The following PCDHGA10 variants were observed in gnomAD, a reference collection of about 807,000 sequenced individuals.
PCDHGA10 encodes protocadherin gamma-A10.
Under a neutral mutation model 59.5 loss-of-function variants are expected in PCDHGA10, and 42 were observed. That is an observed-to-expected ratio of 0.71 (90% CI 0.55 to 0.91). PCDHGA10 has a LOEUF of 0.91. PCDHGA10 is among the 40% of genes least tolerant of loss of function. The pLI is 0.00. For missense variants in PCDHGA10, 1,111 were observed against 1,198.2 expected, an observed-to-expected ratio of 0.93 and a Z score of 1.07; for synonymous variants, 511 against 517.2, an observed-to-expected ratio of 0.99 and a Z score of 0.16.
intron 1 of PCDHGA10, chr5:141,427,778 A>T: frequency 1.4e-6 from 2 of 1,436,676 alleles, no homozygotes; most frequent in Non-Finnish European, 1.9e-6. Context: ...AGCTGCGGGC[A>T]CTGTCGTCCT....
At chr5:141,446,766 C>T (rs1335326278) in intron 1 of PCDHGA10, among the ~76,000 whole-genome samples, 7 of 152,208 alleles carry the variant, frequency 4.6e-5, no homozygotes, top group East Asian at 3.9e-4. Context: ...CGCGCCCAGC[C>T]GGTTACCATT....
At chr5:141,433,321 G>T in intron 1 of PCDHGA10, 1 of 788,106 alleles carries the variant, frequency 1.3e-6, no homozygotes. Flanking sequence ...TGCCTCCGGT[G>T]TAACAGGGAC....
chr5:141,502,784 G>C (rs185608958), intron 2 of PCDHGA10, among the ~76,000 whole-genome samples: 1 of 151,804 alleles, frequency 6.6e-6, no homozygotes, highest in Non-Finnish European at 1.5e-5. Flanking sequence ...AAATTACCTG[G>C]ATGATTTCTT....
chr5:141,430,399 T>C (rs2097282187), intron 1 of PCDHGA10, among the ~76,000 whole-genome samples: 1 of 150,106 alleles, frequency 6.7e-6, no homozygotes, highest in African/African-American at 2.4e-5. Flanking sequence ...AAAAAAAAGC[T>C]CACTAAAGTT....
chr5:141,419,890 C>T (rs775698934), intron 1 of PCDHGA10: 3 of 1,614,102 alleles, frequency 1.9e-6, no homozygotes, highest in Non-Finnish European at 2.5e-6. Flanking sequence ...ATTTCAGCGA[C>T]CATCCCACAC....
chr5:141,508,961 A>G (rs991011427), intron 3 of PCDHGA10, among the ~76,000 whole-genome samples: 2 of 151,978 alleles, frequency 1.3e-5, no homozygotes, highest in Non-Finnish European at 2.9e-5. Flanking sequence ...TGTCAGCGGA[A>G]TGAAAGGGCT....
chr5:141,502,615 A>G (rs2099815317), intron 2 of PCDHGA10, among the ~76,000 whole-genome samples: 1 of 152,218 alleles, frequency 6.6e-6, no homozygotes, highest in Non-Finnish European at 1.5e-5. Context: ...TTGTGAAAAT[A>G]TAAGTAATCT....
intron 1 of PCDHGA10, among the ~76,000 whole-genome samples, chr5:141,483,340 C>T (rs906468552): frequency 5.9e-5 from 9 of 152,036 alleles, no homozygotes; most frequent in Non-Finnish European, 1.2e-4. Flanking sequence ...GATCTTATCT[C>T]TTTGCAATAG....
In PCDHGA10 at chr5:141,474,831, G is replaced by A. The variant is rs188288898; in HGVS notation, c.2437-19976G>A. On this transcript the variant is annotated intron_variant, in intron 1 of 3. Coordinates refer to ENST00000398610, the MANE Select transcript of PCDHGA10 (RefSeq NM_018913.3). ...CATCATTAATTGAGGCTTACTCTGTGCCAGGCACTTTACCTGCCTTCTTCA... is the reference window on the plus strand; with the variant it reads ...CATCATTAATTGAGGCTTACTCTGTACCAGGCACTTTACCTGCCTTCTTCA... 5.3e-5 allele frequency among the ~76,000 whole-genome samples: 8 copies of A among 152,350 alleles called. No individual in the cohort carries two copies. The East Asian group carries it at 1.5e-3, about 29-fold the overall frequency.
intron 1 of PCDHGA10, chr5:141,423,349 T>A (rs2096733716): frequency 6.2e-7 from 1 of 1,614,196 alleles, no homozygotes; most frequent in East Asian, 2.2e-5. Context: ...CTTCCTGGTC[T>A]TTGTCATCGT....
chr5:141,495,726 C>T (rs2099763293), intron 2 of PCDHGA10, among the ~76,000 whole-genome samples: 1 of 152,070 alleles, frequency 6.6e-6, no homozygotes, highest in Non-Finnish European at 1.5e-5. Flanking sequence ...ACACGGGACC[C>T]TTAGTCTCTT....
At position 141,432,872 on chromosome 5, in the gene PCDHGA10, C is replaced by T; in HGVS notation, c.2436+17261C>T. On this transcript the variant is annotated intron_variant, in intron 1 of 3. Transcript: ENST00000398610. This position sits in a 1 kb window ranked among gnomAD's most constrained non-coding sequence, Gnocchi z 6.0. ...GGTGGCCGCGGTCTCCTGCGTCTTC[C>T]TGGCCTTCGTCATCTTGCTGCTGGC... is the stretch of plus-strand genomic sequence containing the variant. 1.9e-6 allele frequency: 3 copies of T among 1,614,192 alleles called. No homozygotes were observed. Among genetic ancestry groups the T allele is most frequent in the Non-Finnish European group, 2.5e-6 (3 of 1,180,018 alleles).
chr5:141,418,313 A>G (rs750036471), intron 1 of PCDHGA10: 2 of 1,614,038 alleles, frequency 1.2e-6, no homozygotes, highest in Middle Eastern at 1.6e-4. Context: ...GGGGATGGGA[A>G]CAATTCTTGA....
At chr5:141,466,809 C>T (rs1187657283) in intron 1 of PCDHGA10, among the ~76,000 whole-genome samples, 2 of 152,102 alleles carry the variant, frequency 1.3e-5, no homozygotes, top group African/African-American at 4.8e-5. Context: ...CCTATTCAGA[C>T]ATGGTATAAC....
At position 141,431,335 on chromosome 5, in the gene PCDHGA10, C is replaced by A. The variant is rs747132346; in HGVS notation, c.2436+15724C>A. On this transcript the variant is annotated intron_variant, in intron 1 of 3. Transcript: ENST00000398610. This position sits in a 1 kb window ranked among gnomAD's most constrained non-coding sequence, Gnocchi z 4.8. ...ATGGAGCCGACGGTAGTAAGTACCCCGAATTGGTGCTGAAACGCGCCCTGG... is the reference window on the plus strand; with the variant it reads ...ATGGAGCCGACGGTAGTAAGTACCCAGAATTGGTGCTGAAACGCGCCCTGG... 11 of 1,613,944 alleles carry A rather than the reference C, an allele frequency of 6.8e-6. No homozygotes were observed. The Admixed American group carries it at 1.5e-4, about 22-fold the overall frequency.
intron 1 of PCDHGA10, among the ~76,000 whole-genome samples, chr5:141,447,234 G>T (rs534523483): frequency 9.9e-4 from 150 of 152,170 alleles, no homozygotes; most frequent in Non-Finnish European, 1.8e-3. Flanking sequence ...CCGCCTCCCG[G>T]GTTCAAGTGA....
At chr5:141,459,693 C>A (rs1014443574) in intron 1 of PCDHGA10, among the ~76,000 whole-genome samples, 1 of 152,210 alleles carries the variant, frequency 6.6e-6, no homozygotes, top group African/African-American at 2.4e-5. Flanking sequence ...AAGCGTTCCG[C>A]TTGCTACATT....
chr5:141,477,431 G>T lies in PCDHGA10; in HGVS notation c.2437-17376G>T. 3 of 1,614,080 alleles carry T rather than the reference G, an allele frequency of 1.9e-6. No homozygotes were observed. The highest frequency in any genetic ancestry group is 2.5e-6 in the Non-Finnish European group (3 of 1,180,012). On this transcript the variant is annotated intron_variant, in intron 1 of 3. Transcript: ENST00000398610. This position sits in a 1 kb window ranked among gnomAD's most constrained non-coding sequence, Gnocchi z 4.9. ...AGACGCCGGAACCCCTTCCCTCTCA[G>T]CCCTTACAATAGTGCGTGTTCAAGT...
intron 2 of PCDHGA10, among the ~76,000 whole-genome samples, chr5:141,501,526 G>A (rs2099809738): frequency 6.6e-6 from 1 of 151,962 alleles, no homozygotes; most frequent in Non-Finnish European, 1.5e-5. Context: ...CTGAAGCCCA[G>A]TACGTTGTTG....
Sources: allele counts gnomAD v4.1 joint callset (sites outside exome capture counted in the v4.1 genomes callset), GRCh38; gene constraint gnomAD v4.1.1; non-coding constraint Gnocchi (gnomAD v3.1); transcripts MANE v1.5; gene names NCBI Gene and HGNC (gene_info 2026-07-23, HGNC 2026-07-21).